The following PSMF1 variants were observed in gnomAD, a reference collection of about 807,000 sequenced individuals.
The protein encoded by PSMF1 is proteasome inhibitor PI31 subunit.
In PSMF1, 30 loss-of-function variants were observed where a neutral mutation model predicts 29.3. That is an observed-to-expected ratio of 1.02 (90% CI 0.77 to 1.39). The LOEUF (loss-of-function observed/expected upper bound fraction) is 1.39. PSMF1 is among the 40% of genes most tolerant of loss of function. The pLI is 0.00. For missense variants in PSMF1, 344 were observed against 357.5 expected, an observed-to-expected ratio of 0.96 and a Z score of 0.31; for synonymous variants, 134 against 139.7, an observed-to-expected ratio of 0.96 and a Z score of 0.29.
rs1237694710 is a variant in PSMF1 at position 1,163,934 on chromosome 20, A to G, written c.606-384A>G. On this transcript the variant is annotated intron_variant, in intron 5 of 6. Transcript: ENST00000335877. This position sits in a 1 kb window ranked among gnomAD's most constrained non-coding sequence, Gnocchi z 6.1. ...AATGCTATAATTAGTCCTTAAACCT[A>G]AAGTAGCACCCTGCAGAACCTTGTG... is the stretch of plus-strand genomic sequence containing the variant. Among the ~76,000 whole-genome samples the G allele has an allele frequency of 1.3e-5, 2 of 152,204 alleles. No individual in the cohort carries two copies. The highest frequency in any genetic ancestry group is 2.9e-5 in the Non-Finnish European group (2 of 68,032).
chr20:1,145,650 C>G (rs2086440295), intron 4 of PSMF1, among the ~76,000 whole-genome samples: 1 of 152,164 alleles, frequency 6.6e-6, no homozygotes, highest in Non-Finnish European at 1.5e-5. Context: ...ATACAATACT[C>G]CTTATCAGGG....
chr20:1,144,442 A>G (rs1165229696), intron 4 of PSMF1, among the ~76,000 whole-genome samples: 1 of 152,222 alleles, frequency 6.6e-6, no homozygotes, highest in African/African-American at 2.4e-5. Context: ...TCTCAGAAAA[A>G]TGAAAATTGT....
At chr20:1,161,771 T>A in intron 4 of PSMF1, 1 of 430,684 alleles carries the variant, frequency 2.3e-6, no homozygotes, top group South Asian at 3.2e-5. Flanking sequence ...CTGACAAATG[T>A]ATACACCTCA....
In PSMF1 at chr20:1,164,906, T is replaced by C; in HGVS notation, c.765-123T>C. On this transcript the variant is annotated intron_variant, in intron 6 of 6. Transcript: ENST00000335877. This position sits in a 1 kb window ranked among gnomAD's most constrained non-coding sequence, Gnocchi z 4.1. Reference sequence around the variant, plus strand: ...GTTGTCTGGCTCTTGAGTGCATGTGTTTAAATTCCTCACACCGCCACATCA... The same window carrying C: ...GTTGTCTGGCTCTTGAGTGCATGTGCTTAAATTCCTCACACCGCCACATCA... 1.1e-6 allele frequency: 1 copy of C among 903,706 alleles called. No individual in the cohort carries two copies. The highest frequency in any genetic ancestry group is 2.0e-5 in the Admixed American group (1 of 50,902). The allele number at this position is 903,706 out of a possible 1,614,324, so 56.0% of individuals were successfully genotyped here.
At chr20:1,132,585 T>C (rs967273883) in intron 3 of PSMF1, among the ~76,000 whole-genome samples, 1 of 152,166 alleles carries the variant, frequency 6.6e-6, no homozygotes, top group Non-Finnish European at 1.5e-5. Flanking sequence ...TCTGTGCCTT[T>C]TCATATAAAC....
At chr20:1,143,497 TA>T (rs1292748026) in intron 4 of PSMF1, among the ~76,000 whole-genome samples, 2 of 152,212 alleles carry the variant, frequency 1.3e-5, no homozygotes, top group Non-Finnish European at 2.9e-5. Context: ...ATCATTGATT[TA>T]AATGTAACAT....
chr20:1,142,955 A>T (rs2086402686), intron 4 of PSMF1, among the ~76,000 whole-genome samples: 1 of 152,228 alleles, frequency 6.6e-6, no homozygotes, highest in African/African-American at 2.4e-5. Flanking sequence ...AACTTGTATA[A>T]GATTTTTATA....
chr20:1,127,455 G>C lies in PSMF1; in HGVS notation c.312G>C (p.Leu104Phe). Reference sequence around the variant, plus strand: ...ATGGCTCACAGCAAGTGGCAGACTTGACCCTGAACTTGGATGATTATATCG... The same window carrying C: ...ATGGCTCACAGCAAGTGGCAGACTTCACCCTGAACTTGGATGATTATATCG... ...LEYGSQQVAD[L>F]TLNLDDYIDA... The change falls in exon 3 of 7, where the codon TTG becomes TTC. Residue 104 changes from leucine (L) to phenylalanine (F), a missense_variant. Leu to Phe is a conservative substitution (Grantham distance 22, BLOSUM62 0). Transcript: ENST00000335877. The C allele has an allele frequency of 1.2e-6, 2 of 1,608,718 alleles. No homozygotes were observed. Among genetic ancestry groups the C allele is most frequent in the South Asian group, 2.2e-5 (2 of 90,968 alleles).
chr20:1,163,028 C>T lies in PSMF1; in HGVS notation c.552-102C>T, dbSNP rs2086685785. 2 of 1,265,910 alleles carry T rather than the reference C, an allele frequency of 1.6e-6. No homozygotes were observed. The highest frequency in any genetic ancestry group is 1.5e-5 in the African/African-American group (1 of 67,960). The allele number at this position is 1,265,910 out of a possible 1,614,324, so 78.4% of individuals were successfully genotyped here. A position where few individuals can be genotyped will look rare whatever the true frequency, so the allele number is the denominator to read the frequency against. The stretch of plus-strand genomic sequence containing the variant: ...TGAAATATCCCTTGTGCTATGGTCT[C>T]ATGCAAGGGTTTCCCATGCCTGTGA... On this transcript the variant is annotated intron_variant, in intron 4 of 6. Coordinates refer to ENST00000335877, the MANE Select transcript of PSMF1 (RefSeq NM_006814.5). This position sits in a 1 kb window ranked among gnomAD's most constrained non-coding sequence, Gnocchi z 6.1.
At chr20:1,131,215 G>C (rs764547608) in intron 3 of PSMF1, among the ~76,000 whole-genome samples, 2 of 152,350 alleles carry the variant, frequency 1.3e-5, no homozygotes, top group Non-Finnish European at 2.9e-5. Flanking sequence ...ACCTGTGGAA[G>C]AACCTAGGAA....
intron 4 of PSMF1, among the ~76,000 whole-genome samples, chr20:1,139,744 CA>C (rs34942443): frequency 6.7e-4 from 23 of 34,204 alleles, no homozygotes; most frequent in Admixed American, 1.3e-3. Context: ...GACTCCATCT[CA>C]AAAAAAAAAA....
Position 1,172,111 on chromosome 20 carries a change from C to T in PSMF1, c.*7031C>T, listed in dbSNP as rs2086796029. On this transcript the variant is annotated 3_prime_UTR_variant, in exon 7 of 7. Coordinates refer to ENST00000335877, the MANE Select transcript of PSMF1 (RefSeq NM_006814.5). ...TTCAGTGCTCCCCCAACCTGCCCTC[C>T]TCCTCTCCCCCACAGAGCTTCCCAA... 6.6e-6 allele frequency among the ~76,000 whole-genome samples: 1 copy of T among 152,238 alleles called. No individual in the cohort carries two copies. Among genetic ancestry groups the T allele is most frequent in the Non-Finnish European group, 1.5e-5 (1 of 68,040 alleles).
At chr20:1,133,509 AT>A (rs1166838526) in intron 3 of PSMF1, among the ~76,000 whole-genome samples, 2 of 136,274 alleles carry the variant, frequency 1.5e-5, no homozygotes, top group African/African-American at 5.4e-5. Context: ...TTTGTTGAGG[AT>A]TTTTTTTGTG....
chr20:1,126,664 CA>C (rs2086160699), intron 2 of PSMF1, among the ~76,000 whole-genome samples: 1 of 152,098 alleles, frequency 6.6e-6, no homozygotes, highest in African/African-American at 2.4e-5. Flanking sequence ...CACTTGAGGT[CA>C]GGAGTTTGAG....
intron 4 of PSMF1, among the ~76,000 whole-genome samples, chr20:1,152,540 T>C (rs2086544304): frequency 6.6e-6 from 1 of 152,102 alleles, no homozygotes; most frequent in Non-Finnish European, 1.5e-5. Context: ...GGGGCCAAGA[T>C]CAGGAGAATG....
intron 4 of PSMF1, among the ~76,000 whole-genome samples, chr20:1,146,345 G>C (rs559001963): frequency 6.6e-6 from 1 of 151,738 alleles, no homozygotes; most frequent in Non-Finnish European, 1.5e-5. Flanking sequence ...CAGTAGGTTA[G>C]AGGCATCAAG....
chr20:1,113,636 C>G, upstream of PSMF1, among the ~76,000 whole-genome samples: 1 of 152,118 alleles, frequency 6.6e-6, no homozygotes, highest in East Asian at 1.9e-4. Context: ...TACACTGATG[C>G]CAGTGCCTAT....
At position 1,165,013 on chromosome 20, in the gene PSMF1, CCT is replaced by C; in HGVS notation, c.765-13_765-12del. 1.2e-6 allele frequency: 2 copies of C among 1,606,438 alleles called. No individual in the cohort carries two copies. The highest frequency in any genetic ancestry group is 2.2e-5 in the South Asian group (2 of 90,904). The stretch of plus-strand genomic sequence containing the variant: ...TCTCCATCACTCCAACTCATCAGCC[CCT>C]CTTTCCATTCCAGACCTAACCCAGA... On this transcript the variant is annotated splice_polypyrimidine_tract_variant and intron_variant, in intron 6 of 6. Coordinates refer to ENST00000335877, the MANE Select transcript of PSMF1 (RefSeq NM_006814.5).
rs2086730912 is a variant in PSMF1, at chr20:1,166,396, C to T, written c.*1316C>T. On this transcript the variant is annotated 3_prime_UTR_variant, in exon 7 of 7. Transcript: ENST00000335877. ...CATTTCTCAGCTCCCTGGATTCCTT[C>T]CCCTAAATTAGGACCTATTATTTAC... 1 of 951,974 alleles carries T rather than the reference C, an allele frequency of 1.1e-6. No individual in the cohort carries two copies. The highest frequency in any genetic ancestry group is 1.6e-5 in the African/African-American group (1 of 61,370). The allele number at this position is 951,974 out of a possible 1,614,324, so 59.0% of individuals were successfully genotyped here.
Sources: allele counts gnomAD v4.1 joint callset (sites outside exome capture counted in the v4.1 genomes callset), GRCh38; gene constraint gnomAD v4.1.1; non-coding constraint Gnocchi (gnomAD v3.1); transcripts MANE v1.5; gene names NCBI Gene and HGNC (gene_info 2026-07-23, HGNC 2026-07-21).